PLCB1: variants seen among roughly 807,000 people sequenced by gnomAD.
PLCB1 encodes the protein phospholipase C beta 1, also known as 1-phosphatidylinositol 4,5-bisphosphate phosphodiesterase beta-1.
In PLCB1, 46 loss-of-function variants were observed where a neutral mutation model predicts 161.8. The ratio of observed to expected loss-of-function variants is 0.28; its 90% CI spans 0.22 to 0.36. The LOEUF is 0.36. Among genes scored for constraint, PLCB1 ranks in the 10% least tolerant of loss-of-function variants. The probability of loss-of-function intolerance (pLI) is 1.00; values close to 1 mark genes in which losing one functional copy is unlikely to be tolerated. For synonymous variants in PLCB1, 517 were observed against 503.7 expected, an observed-to-expected ratio of 1.03 and a Z score of -0.35; for missense variants, 1,016 against 1,472.5, an observed-to-expected ratio of 0.69 and a Z score of 5.07.
chr20:8,700,755 G>A (rs893633047), intron 11 of PLCB1, among the ~76,000 whole-genome samples: 4 of 150,450 alleles, frequency 2.7e-5, no homozygotes, highest in Non-Finnish European at 4.4e-5. Flanking sequence ...GAGATGTGGG[G>A]AGGTGACCAG....
intron 2 of PLCB1, among the ~76,000 whole-genome samples, chr20:8,243,327 G>T (rs367944909): frequency 6.6e-6 from 1 of 151,966 alleles, no homozygotes; most frequent in Non-Finnish European, 1.5e-5. Flanking sequence ...AAGAGGAAAA[G>T]GTTAATTTTC....
intron 31 of PLCB1, among the ~76,000 whole-genome samples, chr20:8,791,348 T>C (rs1454783015): frequency 6.6e-6 from 1 of 152,160 alleles, no homozygotes; most frequent in Non-Finnish European, 1.5e-5. Context: ...GTGGAATAAA[T>C]TTTAACATAA....
At chr20:8,399,079 G>A (rs1327817500) in intron 3 of PLCB1, among the ~76,000 whole-genome samples, 1 of 146,472 alleles carries the variant, frequency 6.8e-6, no homozygotes, top group Non-Finnish European at 1.5e-5. Flanking sequence ...TTCACCTATA[G>A]CTTCTTTTTT....
chr20:8,614,313 A>G (rs908439202), intron 3 of PLCB1, among the ~76,000 whole-genome samples: 1 of 152,000 alleles, frequency 6.6e-6, no homozygotes, highest in African/African-American at 2.4e-5. Flanking sequence ...TAAGTAAATT[A>G]TCATTCAAGT....
chr20:8,146,646 CA>C (rs1178834416), intron 1 of PLCB1, among the ~76,000 whole-genome samples: 1 of 152,072 alleles, frequency 6.6e-6, no homozygotes, highest in East Asian at 1.9e-4. Flanking sequence ...ATGTTGATTC[CA>C]GTGACTCTTT....
At chr20:8,849,267 G>T (rs3902336) in intron 31 of PLCB1, among the ~76,000 whole-genome samples, 1 of 152,016 alleles carries the variant, frequency 6.6e-6, no homozygotes, top group Admixed American at 6.6e-5. Context: ...GCTGTCTTCT[G>T]TAATCATCCA....
intron 14 of PLCB1, among the ~76,000 whole-genome samples, chr20:8,718,362 C>T (rs1979449194): frequency 6.6e-6 from 1 of 152,190 alleles, no homozygotes; most frequent in Non-Finnish European, 1.5e-5. Context: ...TCCTCTAGTC[C>T]TGTAAGTCAG....
At chr20:8,801,880 C>T (rs1356504848) in intron 31 of PLCB1, among the ~76,000 whole-genome samples, 11 of 152,080 alleles carry the variant, frequency 7.2e-5, no homozygotes, top group Non-Finnish European at 1.5e-4. Context: ...GTGTGGGAGG[C>T]CAGGTGCCTT....
intron 2 of PLCB1, among the ~76,000 whole-genome samples, chr20:8,350,020 A>G (rs765179072): frequency 1.6e-4 from 25 of 152,244 alleles, no homozygotes; most frequent in Admixed American, 1.6e-3. Context: ...TGCAATATCA[A>G]TGTACAAACG....
At chr20:8,397,914 A>G (rs978122574) in intron 3 of PLCB1, among the ~76,000 whole-genome samples, 16 of 149,958 alleles carry the variant, frequency 1.1e-4, no homozygotes, top group African/African-American at 3.2e-4. Context: ...TAAGGCTACA[A>G]TTTTTTTTTT....
At chr20:8,810,287 C>T (rs1414177425) in intron 31 of PLCB1, among the ~76,000 whole-genome samples, 2 of 152,102 alleles carry the variant, frequency 1.3e-5, no homozygotes, top group Non-Finnish European at 2.9e-5. Context: ...TCCAAGGTTA[C>T]ATGGAAAATT....
chr20:8,563,823 C>A (rs1246093098), intron 3 of PLCB1, among the ~76,000 whole-genome samples: 4 of 152,062 alleles, frequency 2.6e-5, no homozygotes, highest in Non-Finnish European at 5.9e-5. Flanking sequence ...GAACTACAAA[C>A]CACTGCTCAA....
intron 9 of PLCB1, among the ~76,000 whole-genome samples, chr20:8,672,974 T>C (rs2123366482): frequency 6.6e-6 from 1 of 152,144 alleles, no homozygotes; most frequent in East Asian, 1.9e-4. Flanking sequence ...TAGCCTAGCA[T>C]GGTGATGCGC....
At chr20:8,523,602 G>A (rs565123204) in intron 3 of PLCB1, among the ~76,000 whole-genome samples, 28 of 148,918 alleles carry the variant, frequency 1.9e-4, no homozygotes, top group African/African-American at 7.0e-4. Context: ...ATGAGAATTT[G>A]ATTGAAAGTC....
intron 7 of PLCB1, 56 bp from the exon 8 acceptor site, chr20:8,657,128 G>C (rs1243496230): frequency 1.1e-6 from 1 of 935,656 alleles, no homozygotes; most frequent in Non-Finnish European, 1.8e-6. Flanking sequence ...AACAGGGAGG[G>C]AGGAAGCTGG....
At chr20:8,639,598 G>T (rs1023888208) in intron 4 of PLCB1, among the ~76,000 whole-genome samples, 5 of 152,182 alleles carry the variant, frequency 3.3e-5, no homozygotes, top group African/African-American at 1.2e-4. Flanking sequence ...CATGTGATTT[G>T]CCATGTGGCA....
intron 3 of PLCB1, among the ~76,000 whole-genome samples, chr20:8,518,302 A>G (rs912810727): frequency 1.3e-5 from 2 of 152,192 alleles, no homozygotes; most frequent in Admixed American, 6.5e-5. Context: ...GAATCCCAAC[A>G]TGCTGAGTTT....
At chr20:8,718,439 G>C (rs764794022) in intron 14 of PLCB1, among the ~76,000 whole-genome samples, 2 of 152,154 alleles carry the variant, frequency 1.3e-5, no homozygotes, top group African/African-American at 4.8e-5. Flanking sequence ...TCCTGGAGGC[G>C]CTAAGGGAGA....
At chr20:8,617,838 TTA>T (rs1284521011) in intron 3 of PLCB1, among the ~76,000 whole-genome samples, 2 of 152,024 alleles carry the variant, frequency 1.3e-5, no homozygotes, top group East Asian at 3.9e-4. Context: ...GAAAAAAAGG[TTA>T]TATATATATC....
Sources: gnomAD v4.1 joint callset for allele counts (sites outside exome capture counted in the v4.1 genomes callset) on GRCh38, gnomAD v4.1.1 for gene constraint, MANE v1.5 for transcripts, NCBI Gene and HGNC (gene_info 2026-07-23, HGNC 2026-07-21) for gene names.